Variants in DRC11 observed in about 807,000 individuals in gnomAD.
DRC11 encodes dynein regulatory complex subunit 11.
chr2:236,316,261 C>T, the DRC11 span, among the ~76,000 whole-genome samples: 2 of 152,106 alleles, frequency 1.3e-5, no homozygotes, highest in Non-Finnish European at 2.9e-5. The surrounding 1 kb of genome is among the most constrained non-coding windows in gnomAD (Gnocchi z 6.8). Flanking sequence ...CTCCTGGGTT[C>T]AAGTGATTCT....
chr2:236,434,646 T>A, the DRC11 span, among the ~76,000 whole-genome samples: 13 of 152,326 alleles, frequency 8.5e-5, no homozygotes, highest in African/African-American at 3.1e-4. The surrounding 1 kb of genome is among the most constrained non-coding windows in gnomAD (Gnocchi z 5.5). Flanking sequence ...TCTTCAATCA[T>A]CTGTCTTTCA....
chr2:236,492,516 T>C, the DRC11 span, among the ~76,000 whole-genome samples: 1 of 152,228 alleles, frequency 6.6e-6, no homozygotes, highest in South Asian at 2.1e-4. Flanking sequence ...GTAGAAAGAC[T>C]GCAGGTGCTG....
chr2:236,427,281 G>A, the DRC11 span, among the ~76,000 whole-genome samples: 1 of 152,104 alleles, frequency 6.6e-6, no homozygotes, highest in Non-Finnish European at 1.5e-5. This position sits in a 1 kb window ranked among gnomAD's most constrained non-coding sequence, Gnocchi z 5.9. Context: ...TTAGGTTTAT[G>A]CTGGCCTCAT....
chr2:236,403,532 T>G, the DRC11 span, among the ~76,000 whole-genome samples: 2 of 152,098 alleles, frequency 1.3e-5, no homozygotes, highest in African/African-American at 4.8e-5. Flanking sequence ...GGGAGGAGGC[T>G]AGTTTGCATG....
At chr2:236,313,287 G>C in the DRC11 span, among the ~76,000 whole-genome samples, 2 of 143,558 alleles carry the variant, frequency 1.4e-5, no homozygotes, top group Admixed American at 6.6e-5. This position sits in a 1 kb window ranked among gnomAD's most constrained non-coding sequence, Gnocchi z 4.5. Flanking sequence ...AAAATAAAAT[G>C]ATATACCAAA....
chr2:236,363,491 A>C, the DRC11 span, among the ~76,000 whole-genome samples: 1 of 152,222 alleles, frequency 6.6e-6, no homozygotes, highest in African/African-American at 2.4e-5. The surrounding 1 kb of genome is among the most constrained non-coding windows in gnomAD (Gnocchi z 5.6). Flanking sequence ...TGGGCCGAGC[A>C]AAGAAATTGT....
chr2:236,316,942 GAGAC>G, the DRC11 span, among the ~76,000 whole-genome samples: 3 of 152,222 alleles, frequency 2.0e-5, no homozygotes, highest in Non-Finnish European at 4.4e-5. This position sits in a 1 kb window ranked among gnomAD's most constrained non-coding sequence, Gnocchi z 6.8. Flanking sequence ...TGTGTGCAGA[GAGAC>G]AGACACAGAT....
the DRC11 span, among the ~76,000 whole-genome samples, chr2:236,431,332 A>G: frequency 6.6e-6 from 1 of 152,180 alleles, no homozygotes; most frequent in African/African-American, 2.4e-5. The surrounding 1 kb of genome is among the most constrained non-coding windows in gnomAD (Gnocchi z 4.2). Context: ...GAAACTTACA[A>G]TCATGGTGGA....
At chr2:236,414,889 C>T in the DRC11 span, among the ~76,000 whole-genome samples, 36 of 152,138 alleles carry the variant, frequency 2.4e-4, no homozygotes, top group Non-Finnish European at 4.6e-4. Context: ...TCCACCATGA[C>T]AATCCTGCTC....
At chr2:236,392,292 C>A in the DRC11 span, 1 of 1,598,740 alleles carries the variant, frequency 6.3e-7, no homozygotes, top group South Asian at 1.1e-5. This position sits in a 1 kb window ranked among gnomAD's most constrained non-coding sequence, Gnocchi z 5.1. Context: ...CCTCTTTGAT[C>A]AGTTCTGGAT....
the DRC11 span, among the ~76,000 whole-genome samples, chr2:236,380,079 A>G: frequency 6.6e-6 from 1 of 152,228 alleles, no homozygotes; most frequent in Non-Finnish European, 1.5e-5. The surrounding 1 kb of genome is among the most constrained non-coding windows in gnomAD (Gnocchi z 4.9). Flanking sequence ...GGCCACTTCA[A>G]GTTAAAAATG....
At chr2:236,343,103 G>C in the DRC11 span, among the ~76,000 whole-genome samples, 2 of 152,094 alleles carry the variant, frequency 1.3e-5, no homozygotes, top group African/African-American at 4.8e-5. The surrounding 1 kb of genome is among the most constrained non-coding windows in gnomAD (Gnocchi z 6.6). Context: ...CCGCAGGCTC[G>C]GCTGCTTCTT....
the DRC11 span, among the ~76,000 whole-genome samples, chr2:236,355,947 T>C: frequency 6.6e-6 from 1 of 152,164 alleles, no homozygotes; most frequent in Non-Finnish European, 1.5e-5. Context: ...CAAGAGCCCT[T>C]GGTGTGCTGC....
At chr2:236,446,524 G>A in the DRC11 span, among the ~76,000 whole-genome samples, 1 of 152,184 alleles carries the variant, frequency 6.6e-6, no homozygotes, top group Non-Finnish European at 1.5e-5. The surrounding 1 kb of genome is among the most constrained non-coding windows in gnomAD (Gnocchi z 6.2). Flanking sequence ...ATTCCTCTGA[G>A]CCGCCCTCTT....
At chr2:236,475,749 A>T in the DRC11 span, among the ~76,000 whole-genome samples, 1 of 152,140 alleles carries the variant, frequency 6.6e-6, no homozygotes, top group Admixed American at 6.6e-5. The surrounding 1 kb of genome is among the most constrained non-coding windows in gnomAD (Gnocchi z 4.8). Context: ...GATTTTGTAT[A>T]TGGTGAGATA....
At chr2:236,362,039 A>G in the DRC11 span, among the ~76,000 whole-genome samples, 1 of 152,190 alleles carries the variant, frequency 6.6e-6, no homozygotes, top group Non-Finnish European at 1.5e-5. The surrounding 1 kb of genome is among the most constrained non-coding windows in gnomAD (Gnocchi z 5.7). Flanking sequence ...ATGATAAAAT[A>G]ATCAACCAGG....
At chr2:236,387,985 T>C in the DRC11 span, among the ~76,000 whole-genome samples, 6 of 152,204 alleles carry the variant, frequency 3.9e-5, no homozygotes, top group African/African-American at 1.2e-4. Flanking sequence ...TGTTGAATAT[T>C]GGCCCCCACT....
chr2:236,436,727 T>G, the DRC11 span, among the ~76,000 whole-genome samples: 1 of 152,172 alleles, frequency 6.6e-6, no homozygotes, highest in South Asian at 2.1e-4. Context: ...TTTGGCCAAA[T>G]TTTTGATCTT....
the DRC11 span, among the ~76,000 whole-genome samples, chr2:236,361,809 T>C: frequency 3.7e-3 from 566 of 152,326 alleles, 3 homozygotes; most frequent in African/African-American, 0.013. The surrounding 1 kb of genome is among the most constrained non-coding windows in gnomAD (Gnocchi z 5.7). Context: ...TCTAGTTAAA[T>C]GACATATGTT....
Sources: allele counts gnomAD v4.1 joint callset (sites outside exome capture counted in the v4.1 genomes callset), GRCh38; gene constraint gnomAD v4.1.1; non-coding constraint Gnocchi (gnomAD v3.1); transcripts MANE v1.5; gene names NCBI Gene and HGNC (gene_info 2026-07-23, HGNC 2026-07-21).